Variants in LRRC7 observed in about 807,000 individuals in gnomAD.
The protein encoded by LRRC7 is leucine rich repeat containing 7.
LRRC7 carries 23 observed loss-of-function variants against 175.7 expected under a neutral mutation model. The ratio of observed to expected loss-of-function variants is 0.13; its 90% CI spans 0.09 to 0.19. The LOEUF is 0.19. LRRC7 is among the 10% of genes least tolerant of loss of function. LRRC7 has a pLI of 1.00. For synonymous variants in LRRC7, 685 were observed against 680.9 expected (o/e 1.01, Z -0.09); for missense variants, 1,354 against 1,904.7 (o/e 0.71, Z 5.38).
At chr1:69,777,927 G>A (rs1192352560) in intron 3 of LRRC7, among the ~76,000 whole-genome samples, 1 of 152,122 alleles carries the variant, frequency 6.6e-6, no homozygotes, top group African/African-American at 2.4e-5. Flanking sequence ...AGTTAAGGAA[G>A]TTACCTGTCT....
At chr1:70,036,687 G>T (rs1312614533) in intron 20 of LRRC7, 63 bp downstream of exon 20, 23 of 1,500,012 alleles carry the variant, frequency 1.5e-5, no homozygotes, top group African/African-American at 1.1e-4. Flanking sequence ...TTTAAAAAAT[G>T]GAATCTTCTT....
At chr1:70,117,951 T>C (rs907654766) in intron 26 of LRRC7, among the ~76,000 whole-genome samples, 1 of 152,100 alleles carries the variant, frequency 6.6e-6, no homozygotes, top group East Asian at 1.9e-4. Flanking sequence ...ACTAATATAA[T>C]AGACATGCAC....
At chr1:70,034,373 TAA>T (rs147172791) in intron 18 of LRRC7, among the ~76,000 whole-genome samples, 1 of 149,604 alleles carries the variant, frequency 6.7e-6, no homozygotes, top group African/African-American at 2.5e-5. Context: ...AAAGGATTTA[TAA>T]AAAAAAAAGT....
intron 7 of LRRC7, among the ~76,000 whole-genome samples, chr1:69,925,060 T>C (rs1007583781): frequency 3.9e-5 from 6 of 152,158 alleles, no homozygotes; most frequent in South Asian, 2.1e-4. Flanking sequence ...GAGATAATCA[T>C]GTGGTTTTTG....
chr1:69,636,727 A>G (rs942185360), intron 1 of LRRC7, among the ~76,000 whole-genome samples: 6 of 151,986 alleles, frequency 3.9e-5, no homozygotes, highest in Admixed American at 3.9e-4. Flanking sequence ...AAGACCTCAG[A>G]GTTGAAATTC....
intron 7 of LRRC7, among the ~76,000 whole-genome samples, chr1:69,863,467 T>G (rs949975434): frequency 5.9e-5 from 9 of 152,226 alleles, no homozygotes; most frequent in Admixed American, 1.3e-4. Context: ...GTGCATGGTA[T>G]GCATTAATAG....
chr1:70,087,406 A>G (rs1663694957), intron 24 of LRRC7, among the ~76,000 whole-genome samples: 1 of 152,198 alleles, frequency 6.6e-6, no homozygotes, highest in African/African-American at 2.4e-5. Flanking sequence ...CCAATTTTAA[A>G]TAATATAATT....
intron 1 of LRRC7, among the ~76,000 whole-genome samples, chr1:69,669,929 A>AATT (rs1557575553): frequency 6.6e-6 from 1 of 151,932 alleles, no homozygotes; most frequent in Non-Finnish European, 1.5e-5. Flanking sequence ...GATTCTTTTT[A>AATT]ATTATTTCCA....
intron 3 of LRRC7, among the ~76,000 whole-genome samples, chr1:69,763,935 C>A (rs1342362469): frequency 6.6e-6 from 1 of 151,824 alleles, no homozygotes; most frequent in Non-Finnish European, 1.5e-5. Context: ...TGATATTGTA[C>A]ACAGAGAATA....
intron 8 of LRRC7, among the ~76,000 whole-genome samples, chr1:69,968,046 C>CA (rs940796052): frequency 1.3e-5 from 2 of 151,350 alleles, no homozygotes; most frequent in African/African-American, 4.9e-5. Context: ...GTAAGGAAAT[C>CA]AAAAAAATGA....
intron 23 of LRRC7, among the ~76,000 whole-genome samples, chr1:70,058,216 G>A (rs946627410): frequency 7.9e-5 from 12 of 152,060 alleles, no homozygotes; most frequent in Non-Finnish European, 1.5e-4. Context: ...TGCCATGTTG[G>A]CCAGCCTAGT....
chr1:69,981,077 G>A (rs1394048030), intron 9 of LRRC7, among the ~76,000 whole-genome samples: 1 of 152,024 alleles, frequency 6.6e-6, no homozygotes. Flanking sequence ...TCTAACAAAA[G>A]AATGTTCCCA....
intron 8 of LRRC7, among the ~76,000 whole-genome samples, chr1:69,952,213 A>G (rs1208382510): frequency 2.6e-5 from 4 of 152,104 alleles, no homozygotes; most frequent in Non-Finnish European, 4.4e-5. Flanking sequence ...ACTAGATCTA[A>G]TTTAACTTCC....
intron 8 of LRRC7, among the ~76,000 whole-genome samples, chr1:69,967,023 T>G (rs1651731844): frequency 6.6e-6 from 1 of 152,190 alleles, no homozygotes; most frequent in African/African-American, 2.4e-5. Flanking sequence ...AAAGCCCTAC[T>G]TTCGCAGCTG....
chr1:69,994,437 T>A (rs1654738851), intron 10 of LRRC7, 124 bp from the exon 11 acceptor site: 1 of 739,936 alleles, frequency 1.4e-6, no homozygotes, highest in South Asian at 1.5e-5. Flanking sequence ...GAGTGTGTAT[T>A]AGCAGAGTTT....
At chr1:69,890,305 T>C (rs1350763819) in intron 7 of LRRC7, among the ~76,000 whole-genome samples, 5 of 152,238 alleles carry the variant, frequency 3.3e-5, no homozygotes, top group Non-Finnish European at 7.3e-5. Context: ...ACAACACTAA[T>C]CTTGTAAATC....
chr1:69,814,036 T>C, intron 4 of LRRC7, among the ~76,000 whole-genome samples: 1 of 152,120 alleles, frequency 6.6e-6, no homozygotes, highest in East Asian at 1.9e-4. Context: ...AGTAAATATA[T>C]GTACATACGA....
At chr1:70,027,698 C>T (rs935269324) in intron 17 of LRRC7, among the ~76,000 whole-genome samples, 3 of 152,044 alleles carry the variant, frequency 2.0e-5, no homozygotes, top group Admixed American at 2.0e-4. Flanking sequence ...TTGTCAACTC[C>T]CCAGTTTTTA....
intron 4 of LRRC7, among the ~76,000 whole-genome samples, chr1:69,798,708 C>T (rs1044340112): frequency 1.3e-5 from 2 of 152,062 alleles, no homozygotes; most frequent in Non-Finnish European, 2.9e-5. Flanking sequence ...TTCCCACTTC[C>T]TCCCTCTCAG....
Sources: allele counts gnomAD v4.1 joint callset (sites outside exome capture counted in the v4.1 genomes callset), GRCh38; gene constraint gnomAD v4.1.1; transcripts MANE v1.5; gene names NCBI Gene and HGNC (gene_info 2026-07-23, HGNC 2026-07-21).